ANKEF1: variants seen among roughly 807,000 people sequenced by gnomAD.
The protein encoded by ANKEF1 is ankyrin repeat and EF-hand domain-containing protein 1.
In ANKEF1, 43 loss-of-function variants were observed where a neutral mutation model predicts 65.1. The observed-to-expected ratio is 0.66, with a 90% CI of 0.52 to 0.85. The LOEUF is 0.85. Among genes scored for constraint, ANKEF1 ranks in the 40% least tolerant of loss-of-function variants. The pLI is 0.00. For missense variants in ANKEF1, 934 were observed against 952.9 expected (o/e 0.98, Z 0.26); for synonymous variants, 316 against 341.5 (o/e 0.93, Z 0.82).
chr20:10,045,526 T>C (rs762259272), intron 5 of ANKEF1, 48 bp from the exon 6 acceptor site: 1 of 1,591,546 alleles, frequency 6.3e-7, no homozygotes, highest in Admixed American at 1.7e-5. Context: ...CTTTATATAG[T>C]AAATGTACAT....
intron 8 of ANKEF1, among the ~76,000 whole-genome samples, 169 bp downstream of exon 8, chr20:10,052,058 C>G (rs1300874983): frequency 6.6e-6 from 1 of 152,038 alleles, no homozygotes; most frequent in Non-Finnish European, 1.5e-5. Context: ...AAGTGCTTCT[C>G]CACTCATTGG....
Position 10,054,241 on chromosome 20 carries a change from C to T in ANKEF1, c.2035-221C>T, listed in dbSNP as rs1006702868. Among the ~76,000 whole-genome samples the T allele has an allele frequency of 8.5e-5, 13 of 152,222 alleles. No homozygotes were observed. The East Asian group carries it at 2.1e-3, about 25-fold the overall frequency. On this transcript the variant is annotated intron_variant, in intron 9 of 10. Transcript: ENST00000378392. The stretch of plus-strand genomic sequence containing the variant: ...CAAGGATGGGTATCTCAAAGACTTA[C>T]GTGATCTTCTACCAATACTTCTAAT...
Position 10,035,571 on chromosome 20 carries a change from TCA to T in ANKEF1, c.-108-3_-108-2del, listed in dbSNP as rs1983791972. ...ACAAGGATCATATCTCATTTCCTTT[TCA>T]CACAGTCCCATGAAGTGGGCACCAT... On this transcript the variant is annotated splice_region_variant and splice_polypyrimidine_tract_variant and intron_variant, in intron 1 of 10. Coordinates refer to ENST00000378392, the MANE Select transcript of ANKEF1 (RefSeq NM_022096.6). The T allele has an allele frequency of 6.6e-6, 1 of 152,250 alleles. No homozygotes were observed. 9.4% of individuals were successfully genotyped at this position (152,250 alleles called of 1,614,324 possible). A position where few individuals can be genotyped will look rare whatever the true frequency, so the allele number is the denominator to read the frequency against.
Position 10,056,496 on chromosome 20 carries a change from T to TAGATGATAGATAGATAGATAGATA in ANKEF1, c.*836_*837insAGATGATAGATAGATAGATAGATA, listed in dbSNP as rs1555773774. On this transcript the variant is annotated 3_prime_UTR_variant, in exon 11 of 11. Transcript: ENST00000378392. The stretch of plus-strand genomic sequence containing the variant: ...GATAGATGATAGATAGATAGATAGA[T>TAGATGATAGATAGATAGATAGATA]GATAGATAGATAGATAGATAGATAG... 2 of 143,714 alleles carry TAGATGATAGATAGATAGATAGATA rather than the reference T, an allele frequency of 1.4e-5. No homozygotes were observed. Among genetic ancestry groups the TAGATGATAGATAGATAGATAGATA allele is most frequent in the African/African-American group, 5.3e-5 (2 of 38,022 alleles). 8.9% of individuals were successfully genotyped at this position (143,714 alleles called of 1,614,324 possible).
chr20:10,044,508 G>T lies in ANKEF1; in HGVS notation c.661G>T (p.Ala221Ser), dbSNP rs757587718. 6 of 1,613,908 alleles carry T rather than the reference G, an allele frequency of 3.7e-6. No individual in the cohort carries two copies. Among genetic ancestry groups the T allele is most frequent in the Non-Finnish European group, 5.1e-6 (6 of 1,179,972 alleles). ...TGCATTTGACAACGACAGGCATCAC[G>T]CTGCTCATTTTGCTGCTAAAGGAGG... ...VNAFDNDRHHAAHFAAKGGFF... is the reference protein window; with the variant it reads ...VNAFDNDRHHSAHFAAKGGFF... The change falls in exon 5 of 11, where the codon GCT becomes TCT. Residue 221 changes from alanine (A) to serine (S), a missense_variant. Physicochemically the swap from Ala to Ser is moderately conservative, Grantham distance 99 (BLOSUM62 1). Transcript: ENST00000378392.
At chr20:10,045,226 T>C (rs1284359110) in intron 5 of ANKEF1, among the ~76,000 whole-genome samples, 1 of 152,162 alleles carries the variant, frequency 6.6e-6, no homozygotes, top group Non-Finnish European at 1.5e-5. Context: ...CTTTCTTAAA[T>C]TACCTACACT....
At chr20:10,043,698 G>A (rs1194202240) in intron 4 of ANKEF1, among the ~76,000 whole-genome samples, 1 of 105,420 alleles carries the variant, frequency 9.5e-6, no homozygotes, top group African/African-American at 3.8e-5. Flanking sequence ...TCACTCTGTT[G>A]CCCAGGTTGG....
chr20:10,043,259 G>A lies in ANKEF1; in HGVS notation c.484G>A (p.Asp162Asn), dbSNP rs1984300817. ...CCTTAGAGCTTGTGAAGATGCACAT[G>A]ATGTTAAAGATGTGTGCCTGACATT... The part of the protein sequence containing the change: ...IFLRACEDAH[D>N]VKDVCLTFLE... Residue 162 changes from aspartate (D) to asparagine (N), a missense_variant, in exon 4 of 11, where the codon GAT (aspartate) becomes AAT (asparagine). Physicochemically the swap from Asp to Asn is conservative, Grantham distance 23. Coordinates refer to ENST00000378392, the MANE Select transcript of ANKEF1 (RefSeq NM_022096.6). 6.2e-7 allele frequency: 1 copy of A among 1,614,194 alleles called. No individual in the cohort carries two copies. Among genetic ancestry groups the A allele is most frequent in the East Asian group, 2.2e-5 (1 of 44,878 alleles).
chr20:10,035,330 A>G lies in ANKEF1; in HGVS notation c.-112A>G, dbSNP rs1983775735. 6.6e-6 allele frequency: 1 copy of G among 152,358 alleles called. No homozygotes were observed. The highest frequency in any genetic ancestry group is 1.5e-5 in the Non-Finnish European group (1 of 68,152). 9.4% of individuals were successfully genotyped at this position (152,358 alleles called of 1,614,324 possible). A position where few individuals can be genotyped will look rare whatever the true frequency, so the allele number is the denominator to read the frequency against. On this transcript the variant is annotated 5_prime_UTR_variant, in exon 1 of 11. Transcript: ENST00000378392. ...TGGCTTCTGATCGCCCGGAAGACTA[A>G]GAGGTGAGCATGACACATGGCTTTT...
Position 10,038,446 on chromosome 20 carries a change from C to G in ANKEF1, c.145C>G (p.Leu49Val). The G allele has an allele frequency of 6.2e-7, 1 of 1,614,170 alleles. No homozygotes were observed. The highest frequency in any genetic ancestry group is 2.2e-5 in the East Asian group (1 of 44,882). ...CAATTATACAGAACCCATTAATGGA[C>G]TTAGTGCTTTGCACTTAGCCTCAGT... ...LINYTEPING[L>V]SALHLASVSN... Residue 49 changes from leucine to valine, a missense_variant, in exon 3 of 11, where the codon CTT (leucine) becomes GTT (valine). By Grantham distance (32) the Leu-to-Val change is conservative (BLOSUM62 1). Coordinates refer to ENST00000378392, the MANE Select transcript of ANKEF1 (RefSeq NM_022096.6).
rs200572571 is a variant in ANKEF1, at chr20:10,055,556, C to T, written c.2227C>T (p.Arg743Ter). The stretch of plus-strand genomic sequence containing the variant: ...GCTGATCAGGAAGAGGGAACTACGG[C>T]GAGAGAGGTTTACACATGAGGTGGA... ...AELIRKRELR[R>*]ERFTHEVDFD... The change falls in exon 11 of 11, where the codon CGA becomes TGA. Residue 743 changes from arginine to a stop codon, truncating the protein, a stop_gained. Transcript: ENST00000378392. LOFTEE classifies it high-confidence loss of function. 3.6e-5 allele frequency: 58 copies of T among 1,613,532 alleles called. No homozygotes were observed. The highest frequency in any genetic ancestry group is 2.5e-4 in the East Asian group (11 of 44,874).
chr20:10,037,256 A>G (rs1042501523), intron 2 of ANKEF1, among the ~76,000 whole-genome samples: 3 of 152,150 alleles, frequency 2.0e-5, no homozygotes, highest in Non-Finnish European at 4.4e-5. Flanking sequence ...CATGGAATCC[A>G]TGTTGCAACT....
In ANKEF1 at chr20:10,056,523, T is replaced by C. The variant is rs1985176124; in HGVS notation, c.*863T>C. 2 of 151,558 alleles carry C rather than the reference T, an allele frequency of 1.3e-5. No individual in the cohort carries two copies. Among genetic ancestry groups the C allele is most frequent in the South Asian group, 4.2e-4 (2 of 4,766 alleles). The allele number at this position is 151,558 out of a possible 1,614,324, so 9.4% of individuals were successfully genotyped here. On this transcript the variant is annotated 3_prime_UTR_variant, in exon 11 of 11. Transcript: ENST00000378392. ...ATAGATAGATAGATAGATAGATAGA[T>C]AGATAGATAGATAGAGATTTATTGC...
intron 5 of ANKEF1, among the ~76,000 whole-genome samples, chr20:10,045,081 C>T (rs1195707045): frequency 6.6e-6 from 1 of 152,166 alleles, no homozygotes; most frequent in Non-Finnish European, 1.5e-5. Flanking sequence ...AATTTCTTTA[C>T]TCAATTTCTT....
Position 10,057,620 on chromosome 20 carries a change from A to G in ANKEF1, c.*1960A>G, listed in dbSNP as rs745451453. The G allele has an allele frequency of 2.0e-5, 3 of 152,200 alleles. No individual in the cohort carries two copies. The highest frequency in any genetic ancestry group is 4.4e-5 in the Non-Finnish European group (3 of 68,044). 9.4% of individuals were successfully genotyped at this position (152,200 alleles called of 1,614,324 possible). The stretch of plus-strand genomic sequence containing the variant: ...ATGATGAAGACATGATGTTCTTCAC[A>G]TGATGTTTTCATATTTGTGTGTCAG... On this transcript the variant is annotated 3_prime_UTR_variant, in exon 11 of 11. Transcript: ENST00000378392.
intron 6 of ANKEF1, among the ~76,000 whole-genome samples, chr20:10,047,821 A>G (rs746271185): frequency 1.3e-5 from 2 of 152,192 alleles, no homozygotes; most frequent in Non-Finnish European, 2.9e-5. Context: ...CCAAGTCAAA[A>G]CGACAGGAAA....
At chr20:10,036,096 G>GCAGTTGAT (rs1249070430) in intron 2 of ANKEF1, among the ~76,000 whole-genome samples, 2 of 152,208 alleles carry the variant, frequency 1.3e-5, no homozygotes, top group African/African-American at 4.8e-5. Flanking sequence ...GTCAGTCTTA[G>GCAGTTGAT]CAGTTGATTG....
At chr20:10,037,509 C>T (rs193180870) in intron 2 of ANKEF1, among the ~76,000 whole-genome samples, 50 of 152,310 alleles carry the variant, frequency 3.3e-4, no homozygotes, top group Non-Finnish European at 5.1e-4. Context: ...AGGCCACAGA[C>T]GCTTTCCTCT....
chr20:10,054,144 T>C (rs1009876143), intron 9 of ANKEF1, among the ~76,000 whole-genome samples: 1 of 152,130 alleles, frequency 6.6e-6, no homozygotes, highest in Non-Finnish European at 1.5e-5. Context: ...ATGGAGGATG[T>C]TAGAATGGCA....
Sources: allele counts gnomAD v4.1 joint callset (sites outside exome capture counted in the v4.1 genomes callset), GRCh38; gene constraint gnomAD v4.1.1; transcripts MANE v1.5; gene names NCBI Gene and HGNC (gene_info 2026-07-23, HGNC 2026-07-21).